The following ASGR1 variants were observed in gnomAD, a reference collection of about 807,000 sequenced individuals.
ASGR1 encodes the protein asialoglycoprotein receptor 1, also known as C-type lectin domain family 4 member H1.
In ASGR1, 35 loss-of-function variants were observed where a neutral mutation model predicts 33.1. The ratio of observed to expected loss-of-function variants is 1.06; its 90% CI spans 0.81 to 1.40. ASGR1 has a LOEUF of 1.40. ASGR1 is among the 40% of genes most tolerant of loss of function. The pLI is 0.00. For missense variants in ASGR1, 396 were observed against 373.7 expected (o/e 1.06, Z -0.49); for synonymous variants, 142 against 152.5 (o/e 0.93, Z 0.51).
intron 5 of ASGR1, 96 bp downstream of exon 5, chr17:7,176,732 TCA>T (rs1247612050): frequency 1.2e-5 from 18 of 1,514,644 alleles, no homozygotes; most frequent in Non-Finnish European, 1.4e-5. Flanking sequence ...CCTCTCATTC[TCA>T]CACACATCCA....
intron 5 of ASGR1, among the ~76,000 whole-genome samples, chr17:7,176,342 TCACA>T (rs1208889689): frequency 7.2e-6 from 1 of 138,614 alleles, no homozygotes; most frequent in East Asian, 2.3e-4. Context: ...TCTCACACTC[TCACA>T]CTCACAGACA....
chr17:7,173,810 T>C lies in ASGR1; in HGVS notation c.725A>G (p.Asp242Gly). The change falls in exon 9 of 9, where the codon GAC becomes GGC. Residue 242 changes from aspartate to glycine, a missense_variant. By Grantham distance (94) the Asp-to-Gly change is moderately conservative (BLOSUM62 -1). Transcript: ENST00000269299. This position sits in a 1 kb window ranked among gnomAD's most constrained non-coding sequence, Gnocchi z 4.7. The part of the protein sequence containing the change: ...GFKNWRPEQP[D>G]DWYGHGLGGG... Reference sequence around the variant, plus strand: ...TCCGAGCCCGTGGCCGTACCAGTCGTCCGGCTGCTCCGGCCTCCAGTTCCT... The same window carrying C: ...TCCGAGCCCGTGGCCGTACCAGTCGCCCGGCTGCTCCGGCCTCCAGTTCCT... 1.2e-6 allele frequency: 2 copies of C among 1,610,970 alleles called. No individual in the cohort carries two copies. Among genetic ancestry groups the C allele is most frequent in the Non-Finnish European group, 1.7e-6 (2 of 1,179,550 alleles).
chr17:7,176,320 AAC>A (rs566065545), intron 5 of ASGR1, among the ~76,000 whole-genome samples: 1 of 138,012 alleles, frequency 7.2e-6, no homozygotes, highest in Non-Finnish European at 1.6e-5. Context: ...CTCAGACACA[AAC>A]ACCCCTCATT....
chr17:7,177,454 C>G, intron 2 of ASGR1, 128 bp from the exon 3 acceptor site: 1 of 713,438 alleles, frequency 1.4e-6, no homozygotes. Flanking sequence ...TGAAGAAATG[C>G]GGGCGGTGGG....
chr17:7,174,196 T>C lies in ASGR1; in HGVS notation c.536A>G (p.Asp179Gly), dbSNP rs777629829. The change falls in exon 7 of 9, where the codon GAC becomes GGC. Residue 179 changes from aspartate (D) to glycine (G), a missense_variant. Physicochemically the swap from Asp to Gly is moderately conservative, Grantham distance 94. Transcript: ENST00000269299. ...SRSGKAWADA[D>G]NYCRLEDAHL... ...CGCGTCCTCCAGCCGGCAGTAGTTG[T>C]CGGCGTCAGCCCAGGCCTTCCCGGA... 2.5e-6 allele frequency: 4 copies of C among 1,614,164 alleles called. No individual in the cohort carries two copies. The highest frequency in any genetic ancestry group is 2.2e-5 in the South Asian group (2 of 91,082).
intron 5 of ASGR1, among the ~76,000 whole-genome samples, chr17:7,176,200 A>C (rs1209266887): frequency 1.3e-4 from 14 of 105,654 alleles, no homozygotes; most frequent in East Asian, 6.0e-4. Context: ...CACACACCCC[A>C]TCTCATTCTC....
rs370567183 is a variant in ASGR1 at position 7,174,341 on chromosome 17, G to T, written c.442+33C>A. On this transcript the variant is annotated intron_variant, in intron 6 of 8. Coordinates refer to ENST00000269299, the MANE Select transcript of ASGR1 (RefSeq NM_001671.5). ...GCTAAGCGCTGCCCAGAGAAGGGGGGAGGCAGAGAGCGGGCCGGGCTGGCC... is the reference window on the plus strand; with the variant it reads ...GCTAAGCGCTGCCCAGAGAAGGGGGTAGGCAGAGAGCGGGCCGGGCTGGCC... The T allele has an allele frequency of 3.2e-5, 51 of 1,613,862 alleles. No individual in the cohort carries two copies. In the South Asian group the frequency reaches 5.1e-4, roughly 16 times the overall value.
intron 2 of ASGR1, 56 bp downstream of exon 2, chr17:7,178,438 G>T (rs935623829): frequency 1.2e-5 from 19 of 1,534,314 alleles, no homozygotes; most frequent in Non-Finnish European, 1.6e-5. Context: ...CTGTGGCTGG[G>T]GGGTGGAGAA....
chr17:7,175,102 AAC>A (rs530642922), intron 5 of ASGR1, among the ~76,000 whole-genome samples: 26 of 131,456 alleles, frequency 2.0e-4, no homozygotes, highest in African/African-American at 2.3e-4. Context: ...CAACACACAA[AAC>A]ACACAAACAC....
chr17:7,177,526 T>C (rs959055599), intron 2 of ASGR1, 200 bp from the exon 3 acceptor site: 1 of 560,704 alleles, frequency 1.8e-6, no homozygotes, highest in Admixed American at 3.2e-5. Context: ...GGAAGGGGGC[T>C]AAGCGCTGAG....
rs753106586 is a variant in ASGR1, at chr17:7,174,089, G to A, written c.595-22C>T. ...ATTTCTGAGGAGAGAGAAGGCGGGT[G>A]GTGATCTCTCCGAGGCCAGCCAGCC... On this transcript the variant is annotated intron_variant, in intron 7 of 8. Transcript: ENST00000269299. 9 of 1,614,170 alleles carry A rather than the reference G, an allele frequency of 5.6e-6. No homozygotes were observed. The South Asian group carries it at 9.9e-5, about 18-fold the overall frequency.
chr17:7,174,310 G>T (rs773435237), intron 6 of ASGR1, 21 bp from the exon 7 acceptor site: 3 of 1,613,546 alleles, frequency 1.9e-6, no homozygotes, highest in Admixed American at 3.3e-5. Context: ...GAAACGGGGC[G>T]CAGGGGCTAA....
In ASGR1 at chr17:7,175,811, TCA is replaced by T. The variant is rs931256748; in HGVS notation, c.355+1017_355+1018del. Reference sequence around the variant, plus strand: ...CACACACACACACTCCCTCTCATTCTCACAGACACACACTCAGACACACACAC... The same window carrying T: ...CACACACACACACTCCCTCTCATTCTCAGACACACACTCAGACACACACAC... On this transcript the variant is annotated intron_variant, in intron 5 of 8. Transcript: ENST00000269299. Among the ~76,000 whole-genome samples the T allele has an allele frequency of 6.1e-5, 9 of 148,026 alleles. No homozygotes were observed. The South Asian group carries it at 1.1e-3, about 18-fold the overall frequency.
chr17:7,176,701 GACTCACACACACAC>G, intron 5 of ASGR1, 115 bp downstream of exon 5: 3 of 1,289,296 alleles, frequency 2.3e-6, no homozygotes, highest in Non-Finnish European at 3.1e-6. Flanking sequence ...CTCACACACA[GACTCACACACACAC>G]ACACTCCCTC....
rs925328672 is a variant in ASGR1 at position 7,178,578 on chromosome 17, T to C, written c.-15A>G. On this transcript the variant is annotated 5_prime_UTR_variant, in exon 2 of 9. Transcript: ENST00000269299. ...TCCTTGGTCATGATAGGGCTGGCGCTGGACCTGGGACTGAGTCAAGACTGA... is the reference window on the plus strand; with the variant it reads ...TCCTTGGTCATGATAGGGCTGGCGCCGGACCTGGGACTGAGTCAAGACTGA... 3.7e-6 allele frequency: 6 copies of C among 1,612,952 alleles called. No individual in the cohort carries two copies. Among genetic ancestry groups the C allele is most frequent in the Non-Finnish European group, 3.4e-6 (4 of 1,179,408 alleles).
In ASGR1 at chr17:7,174,254, C is replaced by G. The variant is rs1382108500; in HGVS notation, c.478G>C (p.Glu160Gln). 8.1e-6 allele frequency: 13 copies of G among 1,614,038 alleles called. No homozygotes were observed. Among genetic ancestry groups the G allele is most frequent in the Non-Finnish European group, 1.0e-5 (12 of 1,180,012 alleles). ...AACCAGTAGCAGCTGCGCTCGTGCTCCACCCAGTTGACCGGGCAGCAGGTC... is the reference window on the plus strand; with the variant it reads ...AACCAGTAGCAGCTGCGCTCGTGCTGCACCCAGTTGACCGGGCAGCAGGTC... ...ERTCCPVNWV[E>Q]HERSCYWFSR... The change falls in exon 7 of 9, where the codon GAG (glutamate) becomes CAG (glutamine). Residue 160 changes from glutamate (E) to glutamine (Q), a missense_variant. Transcript: ENST00000269299.
At chr17:7,178,191 C>A in intron 2 of ASGR1, 1 of 419,072 alleles carries the variant, frequency 2.4e-6, no homozygotes, top group African/African-American at 2.0e-5. Context: ...GGCGTGACTT[C>A]GTCATAGGAA....
rs770136151 is a variant in ASGR1, at chr17:7,176,830, C to CT, written c.354dup (p.Asp119ArgfsTer15). 9 of 1,610,688 alleles carry CT rather than the reference C, an allele frequency of 5.6e-6. No individual in the cohort carries two copies. The highest frequency in any genetic ancestry group is 7.6e-6 in the Non-Finnish European group (9 of 1,179,770). ...CACACACACACACTCCCTCTCTGAC[C>CT]TTCACTCAGGTCCTTCTGCTGTTTC... is the stretch of plus-strand genomic sequence containing the variant. On this transcript the variant is annotated frameshift_variant and splice_region_variant, in exon 5 of 9. Coordinates refer to ENST00000269299, the MANE Select transcript of ASGR1 (RefSeq NM_001671.5). LOFTEE classifies it high-confidence loss of function.
chr17:7,178,697 C>T, intron 1 of ASGR1, 109 bp from the exon 2 acceptor site: 1 of 593,902 alleles, frequency 1.7e-6, no homozygotes, highest in Non-Finnish European at 2.9e-6. Context: ...ATCATGGAGA[C>T]CTTTCTTCTT....
Sources: allele counts gnomAD v4.1 joint callset (sites outside exome capture counted in the v4.1 genomes callset), GRCh38; gene constraint gnomAD v4.1.1; non-coding constraint Gnocchi (gnomAD v3.1); transcripts MANE v1.5; gene names NCBI Gene and HGNC (gene_info 2026-07-23, HGNC 2026-07-21).